CNTN1: variants seen among roughly 807,000 people sequenced by gnomAD.
The protein encoded by CNTN1 is contactin-1.
In CNTN1, 38 loss-of-function variants were observed where a neutral mutation model predicts 126.4. The observed-to-expected ratio is 0.30, with a 90% CI of 0.23 to 0.39. The LOEUF is 0.39. Ranked by LOEUF, CNTN1 falls within the 10% of genes least tolerant of loss-of-function variation. The pLI, the probability that CNTN1 is intolerant of heterozygous loss-of-function variation, is 1.00. For missense variants in CNTN1, 1,009 were observed against 1,248.4 expected (o/e 0.81, Z 2.89); for synonymous variants, 413 against 422.6 (o/e 0.98, Z 0.28).
intron 1 of CNTN1, among the ~76,000 whole-genome samples, chr12:40,876,390 TGTATA>T (rs1397901559): frequency 6.6e-6 from 1 of 152,066 alleles, no homozygotes; most frequent in Non-Finnish European, 1.5e-5. Flanking sequence ...CCCAACAATT[TGTATA>T]GTAAAGTGAA....
chr12:40,998,633 T>C lies in CNTN1; in HGVS notation c.2113+5364T>C, dbSNP rs368558201. Reference sequence around the variant, plus strand: ...TTCTCATTTTAATATTAAAATATTATATAGTTCATTTGATTTTTTTGATAG... The same window carrying C: ...TTCTCATTTTAATATTAAAATATTACATAGTTCATTTGATTTTTTTGATAG... On this transcript the variant is annotated intron_variant, in intron 17 of 23. Transcript: ENST00000551295. Among the ~76,000 whole-genome samples the C allele has an allele frequency of 8.4e-4, 128 of 152,212 alleles. 2 individuals are homozygous for C. The South Asian group carries it at 0.026, about 31-fold the overall frequency.
intron 1 of CNTN1, among the ~76,000 whole-genome samples, chr12:40,859,674 G>T (rs1943052011): frequency 6.6e-6 from 1 of 152,098 alleles, no homozygotes. Flanking sequence ...ATCAACAGGA[G>T]CATTATGCTG....
At chr12:40,853,327 G>T (rs902415263) in intron 1 of CNTN1, among the ~76,000 whole-genome samples, 6 of 152,110 alleles carry the variant, frequency 3.9e-5, no homozygotes, top group African/African-American at 1.4e-4. Context: ...TCAGCATAAA[G>T]AATTGAAGTG....
chr12:40,978,422 G>A (rs1035922706), intron 15 of CNTN1, among the ~76,000 whole-genome samples: 3 of 151,740 alleles, frequency 2.0e-5, no homozygotes, highest in Non-Finnish European at 2.9e-5. Flanking sequence ...TTGTCTTCTC[G>A]ATTCCACCTC....
At chr12:40,707,231 T>TC (rs1941785426) in intron 1 of CNTN1, among the ~76,000 whole-genome samples, 4 of 1,672 alleles carry the variant, frequency 2.4e-3, no homozygotes, top group African/African-American at 3.6e-3. Flanking sequence ...CTTTTTCTTT[T>TC]TTTTTTTTTT....
intron 18 of CNTN1, among the ~76,000 whole-genome samples, chr12:41,015,323 T>C (rs1948756626): frequency 6.6e-6 from 1 of 152,192 alleles, no homozygotes. Context: ...TTTTTATAAA[T>C]TCTGTGGATA....
chr12:40,746,418 A>T, intron 1 of CNTN1, among the ~76,000 whole-genome samples: 1 of 152,128 alleles, frequency 6.6e-6, no homozygotes, highest in East Asian at 1.9e-4. Context: ...GCCTCCTTAG[A>T]AGAAAGAATT....
rs532627956 is a variant in CNTN1, at chr12:40,995,458, A to AT, written c.2113+2194dup. On this transcript the variant is annotated intron_variant, in intron 17 of 23. Coordinates refer to ENST00000551295, the MANE Select transcript of CNTN1 (RefSeq NM_001843.4). ...GAGCTATCATTAGAATCAGAACAAC[A>AT]TTTTTCCTTAGTGATATAGGGGAGA... Among the ~76,000 whole-genome samples the AT allele has an allele frequency of 2.8e-4, 42 of 151,622 alleles. 2 individuals carry two copies. Among genetic ancestry groups the AT allele is most frequent in the Non-Finnish European group, 4.4e-5 (3 of 67,922 alleles).
intron 4 of CNTN1, among the ~76,000 whole-genome samples, chr12:40,920,169 C>T (rs1461674738): frequency 1.3e-5 from 2 of 152,162 alleles, no homozygotes; most frequent in Non-Finnish European, 2.9e-5. Context: ...CTGTGACACT[C>T]TGTTGTTAAC....
At chr12:40,995,070 A>G (rs1592375478) in intron 17 of CNTN1, among the ~76,000 whole-genome samples, 1 of 152,110 alleles carries the variant, frequency 6.6e-6, no homozygotes, top group African/African-American at 2.4e-5. Context: ...AATGAAATGG[A>G]TGTGAAAATA....
chr12:41,022,628 T>A (rs1157816593), intron 20 of CNTN1, among the ~76,000 whole-genome samples: 3 of 152,194 alleles, frequency 2.0e-5, no homozygotes, highest in Non-Finnish European at 2.9e-5. Context: ...AAGATGATGA[T>A]GATGTTAATG....
intron 1 of CNTN1, among the ~76,000 whole-genome samples, chr12:40,781,922 C>A (rs1685360838): frequency 6.6e-6 from 1 of 151,896 alleles, no homozygotes; most frequent in Non-Finnish European, 1.5e-5. Context: ...ATCAAGGTAA[C>A]TGAGATTTGG....
chr12:41,002,774 G>A (rs1317822449), intron 17 of CNTN1, among the ~76,000 whole-genome samples: 1 of 151,778 alleles, frequency 6.6e-6, no homozygotes, highest in Non-Finnish European at 1.5e-5. Flanking sequence ...AGCCAGTGTG[G>A]TCTCGATCTC....
chr12:40,959,015 G>A (rs1947004441), intron 14 of CNTN1, 99 bp from the exon 15 acceptor site: 2 of 1,418,190 alleles, frequency 1.4e-6, no homozygotes, highest in African/African-American at 1.4e-5. Flanking sequence ...TTTAAGTGGT[G>A]TTCATTTTGT....
At chr12:40,700,659 T>C (rs980704595) in intron 1 of CNTN1, among the ~76,000 whole-genome samples, 2 of 152,168 alleles carry the variant, frequency 1.3e-5, no homozygotes, top group African/African-American at 2.4e-5. Context: ...AATGCATTTT[T>C]TAGGAAATAG....
chr12:41,022,725 G>T (rs1212136379), intron 20 of CNTN1, among the ~76,000 whole-genome samples: 1 of 152,144 alleles, frequency 6.6e-6, no homozygotes, highest in Non-Finnish European at 1.5e-5. Flanking sequence ...AACCCTAGAG[G>T]ATAGACACTA....
chr12:40,801,622 G>A (rs1433847694), intron 1 of CNTN1, among the ~76,000 whole-genome samples: 1 of 151,802 alleles, frequency 6.6e-6, no homozygotes, highest in Non-Finnish European at 1.5e-5. Context: ...TCATAATTTG[G>A]AAAAGAATAG....
Position 41,025,356 on chromosome 12 carries a change from TTTA to T in CNTN1, c.2710+21_2710+23del. ...AAGCACGTGAGTCTCACGTTTTGTT[TTTA>T]GACTTGTCAAAAACTACCACTGGAT... On this transcript the variant is annotated intron_variant, in intron 21 of 23. Coordinates refer to ENST00000551295, the MANE Select transcript of CNTN1 (RefSeq NM_001843.4). The T allele has an allele frequency of 6.2e-7, 1 of 1,611,164 alleles. No homozygotes were observed. The highest frequency in any genetic ancestry group is 8.5e-7 in the Non-Finnish European group (1 of 1,177,512).
At chr12:41,068,304 G>A (rs280376) in intron 23 of CNTN1, among the ~76,000 whole-genome samples, 6,444 of 152,162 alleles carry the variant, frequency 0.042, 321 homozygotes, top group African/African-American at 0.11. Context: ...ACATAGTCTT[G>A]TAGCTGGCTG....
Sources: gnomAD v4.1 joint callset for allele counts (sites outside exome capture counted in the v4.1 genomes callset) on GRCh38, gnomAD v4.1.1 for gene constraint, MANE v1.5 for transcripts, NCBI Gene and HGNC (gene_info 2026-07-23, HGNC 2026-07-21) for gene names.